The following SPTLC2 variants were observed in gnomAD, a reference collection of about 807,000 sequenced individuals.
The protein encoded by SPTLC2 is serine palmitoyltransferase 2.
SPTLC2 carries 21 observed loss-of-function variants against 62.0 expected under a neutral mutation model. That is an observed-to-expected ratio of 0.34 (90% CI 0.24 to 0.49). The LOEUF (loss-of-function observed/expected upper bound fraction) is 0.49, where lower values mean the gene tolerates loss of function less well. Ranked by LOEUF, SPTLC2 falls within the 20% of genes least tolerant of loss-of-function variation. The pLI is 0.99. For missense variants in SPTLC2, 511 were observed against 713.0 expected, an observed-to-expected ratio of 0.72 and a Z score of 3.23; for synonymous variants, 261 against 261.8, an observed-to-expected ratio of 1.00 and a Z score of 0.03.
At chr14:77,605,651 G>A (rs1156286076) in intron 1 of SPTLC2, among the ~76,000 whole-genome samples, 1 of 152,204 alleles carries the variant, frequency 6.6e-6, no homozygotes, top group Non-Finnish European at 1.5e-5. Flanking sequence ...ACTCCATCAA[G>A]AGAAAGAAAA....
intron 1 of SPTLC2, among the ~76,000 whole-genome samples, chr14:77,602,280 G>A (rs1160810931): frequency 6.6e-6 from 1 of 152,034 alleles, no homozygotes; most frequent in East Asian, 1.9e-4. Flanking sequence ...GACTTCATGG[G>A]CACCTCAAAC....
At chr14:77,524,644 C>T (rs568717604) in intron 9 of SPTLC2, among the ~76,000 whole-genome samples, 1 of 152,206 alleles carries the variant, frequency 6.6e-6, no homozygotes, top group Admixed American at 6.5e-5. Context: ...GAAAATGTGG[C>T]AGATGCACAC....
At chr14:77,606,845 C>T (rs1303984346) in intron 1 of SPTLC2, among the ~76,000 whole-genome samples, 1 of 152,058 alleles carries the variant, frequency 6.6e-6, no homozygotes, top group Admixed American at 6.5e-5. Context: ...AAAAGTTAGC[C>T]GGATGTGGTG....
intron 2 of SPTLC2, among the ~76,000 whole-genome samples, chr14:77,584,632 C>T (rs1252903068): frequency 3.3e-5 from 5 of 152,178 alleles, no homozygotes; most frequent in Non-Finnish European, 5.9e-5. Context: ...CTCCCAACCC[C>T]AATGCCACAC....
chr14:77,532,206 G>T lies in SPTLC2; in HGVS notation c.1304-10625C>A, dbSNP rs1391144215. On this transcript the variant is annotated intron_variant, in intron 9 of 11. Transcript: ENST00000216484. Reference sequence around the variant, plus strand: ...CCGGGAATTTGTATTGTAAGATGGGGTAAGTGTTAGGAAAACAGCACTTCA... The same window carrying T: ...CCGGGAATTTGTATTGTAAGATGGGTTAAGTGTTAGGAAAACAGCACTTCA... 3.9e-5 allele frequency among the ~76,000 whole-genome samples: 6 copies of T among 152,294 alleles called. 1 individual carries two copies. In the Middle Eastern group the frequency reaches 0.014, roughly 345 times the overall value.
At chr14:77,547,939 G>A (rs1228601656) in intron 9 of SPTLC2, 1 of 133,136 alleles carries the variant, frequency 7.5e-6, no homozygotes, top group Non-Finnish European at 1.5e-5. Flanking sequence ...CAGTTCCCCG[G>A]TATTCTCAAG....
At chr14:77,578,339 T>C (rs548492991) in intron 3 of SPTLC2, among the ~76,000 whole-genome samples, 1 of 151,446 alleles carries the variant, frequency 6.6e-6, no homozygotes, top group Admixed American at 6.5e-5. Flanking sequence ...CTTTTCTTTT[T>C]TTTTTTTTTT....
rs994835975 is a variant in SPTLC2, at chr14:77,583,901, T to C, written c.328-4792A>G. ...CCAAGCAGCCTTAAGGATATACTCA[T>C]AAACATTCTTCCTGAAGATCCTCAC... On this transcript the variant is annotated intron_variant, in intron 2 of 11. Coordinates refer to ENST00000216484, the MANE Select transcript of SPTLC2 (RefSeq NM_004863.4). 2.0e-5 allele frequency among the ~76,000 whole-genome samples: 3 copies of C among 152,170 alleles called. No homozygotes were observed. In the South Asian group the frequency reaches 6.2e-4, roughly 32 times the overall value.
chr14:77,534,588 T>TATACACACACACACAC lies in SPTLC2; in HGVS notation c.1304-13008_1304-13007insGTGTGTGTGTGTGTAT, dbSNP rs1555373988. Among the ~76,000 whole-genome samples the TATACACACACACACAC allele has an allele frequency of 1.8e-3, 261 of 141,232 alleles. 1 individual carries two copies. The highest frequency in any genetic ancestry group is 6.5e-3 in the African/African-American group (246 of 37,604). 92.7% of individuals were successfully genotyped at this position (141,232 alleles called of 152,430 possible). ...ATAATAAACATTTCACATATTTCAG[T>TATACACACACACACAC]ACACACACACACACACATATGCTAA... On this transcript the variant is annotated intron_variant, in intron 9 of 11. Coordinates refer to ENST00000216484, the MANE Select transcript of SPTLC2 (RefSeq NM_004863.4).
chr14:77,516,820 C>A (rs1159183301), intron 11 of SPTLC2, among the ~76,000 whole-genome samples: 1 of 152,130 alleles, frequency 6.6e-6, no homozygotes, highest in Non-Finnish European at 1.5e-5. Flanking sequence ...AAAGGGAATA[C>A]ACTTATACTC....
intron 9 of SPTLC2, among the ~76,000 whole-genome samples, chr14:77,532,498 T>C (rs2079445574): frequency 6.6e-6 from 1 of 152,076 alleles, no homozygotes; most frequent in Admixed American, 6.6e-5. Flanking sequence ...AAAAATCTGA[T>C]TCTGGGCTGG....
Position 77,566,650 on chromosome 14 carries a change from C to T in SPTLC2, c.756+3734G>A, listed in dbSNP as rs968303276. ...CTAATTTTTATATTTTTAGTAGAGA[C>T]GGGGTTTCACCGTGTTAGCCAGGAT... On this transcript the variant is annotated intron_variant, in intron 5 of 11. Transcript: ENST00000216484. 2.0e-5 allele frequency among the ~76,000 whole-genome samples: 3 copies of T among 152,084 alleles called. No homozygotes were observed. The South Asian group carries it at 6.2e-4, about 31-fold the overall frequency.
chr14:77,507,760 A>G lies in SPTLC2; in HGVS notation c.*4524T>C, dbSNP rs536959858. ...GGGCACTGAGCATCCACGTGAAGCAAGTAGCAGGGTATCTGTAGGTTCTGG... is the reference window on the plus strand; with the variant it reads ...GGGCACTGAGCATCCACGTGAAGCAGGTAGCAGGGTATCTGTAGGTTCTGG... On this transcript the variant is annotated 3_prime_UTR_variant, in exon 12 of 12. Transcript: ENST00000216484. 9.2e-5 allele frequency: 14 copies of G among 152,360 alleles called. No individual in the cohort carries two copies. Among genetic ancestry groups the G allele is most frequent in the Admixed American group, 9.1e-4 (14 of 15,306 alleles). The allele number at this position is 152,360 out of a possible 1,614,324, so 9.4% of individuals were successfully genotyped here.
At chr14:77,526,190 T>G (rs1453164234) in intron 9 of SPTLC2, among the ~76,000 whole-genome samples, 1 of 152,230 alleles carries the variant, frequency 6.6e-6, no homozygotes, top group Non-Finnish European at 1.5e-5. Context: ...CCACTTTGAC[T>G]TGAGTATCAT....
chr14:77,586,798 TA>T, intron 2 of SPTLC2, among the ~76,000 whole-genome samples: 1 of 152,304 alleles, frequency 6.6e-6, no homozygotes, highest in East Asian at 1.9e-4. Context: ...ATTAAACATA[TA>T]AAAAGCTGTT....
chr14:77,539,521 G>T (rs112608603), intron 9 of SPTLC2, among the ~76,000 whole-genome samples: 5 of 114,734 alleles, frequency 4.4e-5, no homozygotes, highest in Admixed American at 3.9e-4. Flanking sequence ...ATGGGGTCTC[G>T]TTGTGTCGCC....
chr14:77,549,920 C>T (rs1008187277), intron 9 of SPTLC2, among the ~76,000 whole-genome samples: 1 of 152,166 alleles, frequency 6.6e-6, no homozygotes, highest in African/African-American at 2.4e-5. Flanking sequence ...TTTGATAGCT[C>T]TTAGCCATTT....
intron 8 of SPTLC2, among the ~76,000 whole-genome samples, chr14:77,554,499 T>C (rs774946439): frequency 1.3e-5 from 2 of 152,228 alleles, no homozygotes; most frequent in Admixed American, 6.5e-5. Flanking sequence ...TTTTAAAACA[T>C]GCAATATGTG....
rs115191009 is a variant in SPTLC2, at chr14:77,597,351, T to C, written c.162A>G (p.Leu54=). Residue 54 remains leucine, a synonymous_variant, in exon 2 of 12, where the codon CTA becomes CTG. Coordinates refer to ENST00000216484, the MANE Select transcript of SPTLC2 (RefSeq NM_004863.4). ...QIHHVTQNGG[L]YKRPFNEAFE... Reference sequence around the variant, plus strand: ...AAGCTTCATTAAACGGTCTTTTATATAGTCCTCCATTTTGTGTAACATGAT... The same window carrying C: ...AAGCTTCATTAAACGGTCTTTTATACAGTCCTCCATTTTGTGTAACATGAT... 1.1e-5 allele frequency: 17 copies of C among 1,614,050 alleles called. No individual in the cohort carries two copies. The Admixed American group carries it at 2.3e-4, about 22-fold the overall frequency.
Sources: allele counts gnomAD v4.1 joint callset (sites outside exome capture counted in the v4.1 genomes callset), GRCh38; gene constraint gnomAD v4.1.1; transcripts MANE v1.5; gene names NCBI Gene and HGNC (gene_info 2026-07-23, HGNC 2026-07-21).